Variants in DGKI observed in about 807,000 individuals in gnomAD.
The protein encoded by DGKI is diacylglycerol kinase iota.
Under a neutral mutation model 147.5 loss-of-function variants are expected in DGKI, and 55 were observed. That is an observed-to-expected ratio of 0.37 (90% CI 0.30 to 0.47). The LOEUF is 0.47. DGKI is among the 20% of genes least tolerant of loss of function. The probability of loss-of-function intolerance (pLI) is 1.00; values close to 1 mark genes in which losing one functional copy is unlikely to be tolerated. For synonymous variants in DGKI, 469 were observed against 477.1 expected, an observed-to-expected ratio of 0.98 and a Z score of 0.22; for missense variants, 1,007 against 1,323.8, an observed-to-expected ratio of 0.76 and a Z score of 3.71.
At chr7:137,837,847 C>T (rs972395429) in intron 1 of DGKI, among the ~76,000 whole-genome samples, 1 of 152,160 alleles carries the variant, frequency 6.6e-6, no homozygotes, top group Non-Finnish European at 1.5e-5. Flanking sequence ...AACCAAGCAG[C>T]CCCGAGGTTG....
At position 137,390,685 on chromosome 7, in the gene DGKI, C is replaced by T. The variant is rs1177365744; in HGVS notation, c.*535G>A. 6.4e-6 allele frequency: 1 copy of T among 155,422 alleles called. No individual in the cohort carries two copies. Among genetic ancestry groups the T allele is most frequent in the Non-Finnish European group, 1.4e-5 (1 of 69,916 alleles). 9.6% of individuals were successfully genotyped at this position (155,422 alleles called of 1,614,324 possible). A position where few individuals can be genotyped will look rare whatever the true frequency, so the allele number is the denominator to read the frequency against. ...ACTAAATAGTCTTGATATATTTAGT[C>T]TTAGAAATGGAAGTGGTTTTACAGT... is the stretch of plus-strand genomic sequence containing the variant. On this transcript the variant is annotated 3_prime_UTR_variant, in exon 33 of 33. Transcript: ENST00000614521.
intron 17 of DGKI, among the ~76,000 whole-genome samples, chr7:137,573,931 A>G (rs767566314): frequency 2.6e-5 from 4 of 152,248 alleles, no homozygotes; most frequent in African/African-American, 4.8e-5. Context: ...AACTCTAGTC[A>G]TGACTATAGA....
At chr7:137,575,470 A>G (rs1441428368) in intron 17 of DGKI, among the ~76,000 whole-genome samples, 12 of 152,224 alleles carry the variant, frequency 7.9e-5, no homozygotes, top group Admixed American at 7.2e-4. Flanking sequence ...TGACTTGCAC[A>G]GTACACTGCC....
At chr7:137,406,424 G>A (rs1445962242) in intron 30 of DGKI, among the ~76,000 whole-genome samples, 1 of 152,052 alleles carries the variant, frequency 6.6e-6, no homozygotes, top group East Asian at 1.9e-4. Context: ...GACAGGTTTG[G>A]GATTATCCAA....
chr7:137,822,670 G>A (rs1334013252), intron 1 of DGKI, among the ~76,000 whole-genome samples: 2 of 152,010 alleles, frequency 1.3e-5, no homozygotes, highest in Non-Finnish European at 2.9e-5. Flanking sequence ...GTAAAGAGAA[G>A]CTATCAGCAT....
At chr7:137,507,095 G>A (rs1816394989) in intron 21 of DGKI, among the ~76,000 whole-genome samples, 2 of 152,142 alleles carry the variant, frequency 1.3e-5, no homozygotes, top group South Asian at 4.1e-4. Flanking sequence ...ATTTCCCACT[G>A]CTCACCTGGA....
rs896992272 is a variant in DGKI at position 137,608,954 on chromosome 7, A to G, written c.1167+12T>C. ...AAAACTTCTAAGTTGAAAATCATGA[A>G]AAATTACTCACCTGGTTGCCTCCAC... On this transcript the variant is annotated intron_variant, in intron 10 of 32. Coordinates refer to ENST00000614521, the MANE Select transcript of DGKI (RefSeq NM_001321708.2). 6.3e-7 allele frequency: 1 copy of G among 1,595,178 alleles called. No individual in the cohort carries two copies. Among genetic ancestry groups the G allele is most frequent in the Admixed American group, 1.7e-5 (1 of 59,810 alleles).
At chr7:137,697,179 T>C (rs2116489855) in intron 1 of DGKI, among the ~76,000 whole-genome samples, 1 of 152,310 alleles carries the variant, frequency 6.6e-6, no homozygotes, top group East Asian at 1.9e-4. Flanking sequence ...CCCTAGCAAA[T>C]ACACATACTT....
chr7:137,446,830 G>C (rs568932873), intron 27 of DGKI, among the ~76,000 whole-genome samples: 1 of 152,312 alleles, frequency 6.6e-6, no homozygotes, highest in Admixed American at 6.5e-5. Flanking sequence ...TAACAACAGA[G>C]GTTCAATCCC....
At chr7:137,418,841 C>T (rs1812455579) in intron 28 of DGKI, among the ~76,000 whole-genome samples, 1 of 152,176 alleles carries the variant, frequency 6.6e-6, no homozygotes, top group Non-Finnish European at 1.5e-5. Context: ...ATGCATCTAG[C>T]TTTGCCAAGT....
At chr7:137,713,456 A>G (rs751893903) in intron 1 of DGKI, among the ~76,000 whole-genome samples, 9 of 152,360 alleles carry the variant, frequency 5.9e-5, no homozygotes, top group Middle Eastern at 6.8e-3. Context: ...TATCACTATA[A>G]TAACCCCATC....
At chr7:137,405,533 C>T (rs867460037) in intron 30 of DGKI, among the ~76,000 whole-genome samples, 12 of 152,156 alleles carry the variant, frequency 7.9e-5, no homozygotes, top group East Asian at 1.9e-4. Context: ...CTGCAGAGAC[C>T]GGGACATAAG....
intron 1 of DGKI, among the ~76,000 whole-genome samples, chr7:137,748,818 A>G (rs1201834749): frequency 6.6e-6 from 1 of 152,344 alleles, no homozygotes; most frequent in Non-Finnish European, 1.5e-5. Context: ...TTGAGAACTT[A>G]AGTCAGATTG....
chr7:137,550,050 T>A (rs1024026604), intron 20 of DGKI, among the ~76,000 whole-genome samples: 3 of 152,224 alleles, frequency 2.0e-5, no homozygotes, highest in Non-Finnish European at 4.4e-5. Flanking sequence ...AAAATTATAC[T>A]ATTATTCCCA....
At chr7:137,696,299 T>C (rs1823779369) in intron 1 of DGKI, among the ~76,000 whole-genome samples, 1 of 152,086 alleles carries the variant, frequency 6.6e-6, no homozygotes, top group South Asian at 2.1e-4. Flanking sequence ...ATCTTCCTAA[T>C]ACAAAATCAG....
intron 1 of DGKI, among the ~76,000 whole-genome samples, chr7:137,762,009 T>C (rs1288206277): frequency 6.6e-6 from 1 of 152,184 alleles, no homozygotes; most frequent in Non-Finnish European, 1.5e-5. Context: ...TTGGTTCCAC[T>C]TCAGTCTCTC....
intron 6 of DGKI, among the ~76,000 whole-genome samples, chr7:137,626,306 G>GA (rs1234128940): frequency 7.0e-6 from 1 of 143,750 alleles, no homozygotes; most frequent in Admixed American, 7.1e-5. Context: ...TTCCCAAGAA[G>GA]AAAAAAAGTG....
chr7:137,713,667 G>C (rs907444882), intron 1 of DGKI, among the ~76,000 whole-genome samples: 1 of 151,918 alleles, frequency 6.6e-6, no homozygotes, highest in Non-Finnish European at 1.5e-5. Flanking sequence ...TTAGAGACAG[G>C]GTCTCTTTTT....
chr7:137,500,285 A>G (rs1816125137), intron 21 of DGKI, among the ~76,000 whole-genome samples: 1 of 152,144 alleles, frequency 6.6e-6, no homozygotes, highest in South Asian at 2.1e-4. Flanking sequence ...CATAATCCAG[A>G]CTGTGATTAA....
Sources: allele counts gnomAD v4.1 joint callset (sites outside exome capture counted in the v4.1 genomes callset), GRCh38; gene constraint gnomAD v4.1.1; transcripts MANE v1.5; gene names NCBI Gene and HGNC (gene_info 2026-07-23, HGNC 2026-07-21).